The following KCTD1 variants were observed in gnomAD, a reference collection of about 807,000 sequenced individuals.
KCTD1 encodes BTB/POZ domain-containing protein KCTD1.
KCTD1 carries 24 observed loss-of-function variants against 66.0 expected under a neutral mutation model. That is an observed-to-expected ratio of 0.36 (90% CI 0.26 to 0.51). The LOEUF (loss-of-function observed/expected upper bound fraction) is 0.51. KCTD1 is among the 20% of genes least tolerant of loss of function. The pLI is 0.95. For synonymous variants in KCTD1, 511 were observed against 517.2 expected (o/e 0.99, Z 0.16); for missense variants, 943 against 1,205.2 (o/e 0.78, Z 3.22).
intron 1 of KCTD1, among the ~76,000 whole-genome samples, chr18:26,504,248 ATTG>A (rs1026323265): frequency 1.4e-4 from 22 of 151,836 alleles, no homozygotes; most frequent in Non-Finnish European, 2.5e-4. Flanking sequence ...TATTATTATT[ATTG>A]TTATTTGAGA....
rs565486339 is a variant in KCTD1, at chr18:26,494,410, T to C, written c.1988+6662A>G. The stretch of plus-strand genomic sequence containing the variant: ...CAGGACAAAACAAAAACAAACACAA[T>C]AGAGGAAACTCAGGCACTGTATGGC... On this transcript the variant is annotated intron_variant, in intron 2 of 4. Transcript: ENST00000580059. Among the ~76,000 whole-genome samples the C allele has an allele frequency of 2.6e-5, 4 of 152,144 alleles. No homozygotes were observed. The South Asian group carries it at 6.2e-4, about 24-fold the overall frequency.
chr18:26,458,116 C>A (rs1372195202), intron 4 of KCTD1: 1 of 152,256 alleles, frequency 6.6e-6, no homozygotes, highest in Non-Finnish European at 1.5e-5. Flanking sequence ...GAGCACCACA[C>A]ACCTCCAGGG....
At chr18:26,567,013 G>A (rs1402853359) in intron 1 of KCTD1, 1 of 152,028 alleles carries the variant, frequency 6.6e-6, no homozygotes, top group Non-Finnish European at 1.5e-5. Context: ...GGGAGGGTTG[G>A]TTTTCTTGGC....
intron 1 of KCTD1, among the ~76,000 whole-genome samples, chr18:26,620,530 G>C (rs1164212665): frequency 2.0e-5 from 3 of 149,092 alleles, no homozygotes; most frequent in Non-Finnish European, 4.4e-5. Context: ...TCCACCTCCG[G>C]GGCTCAAGCT....
intron 1 of KCTD1, among the ~76,000 whole-genome samples, chr18:26,588,875 TAA>T (rs879906595): frequency 0.15 from 23,077 of 152,170 alleles, 1,796 homozygotes; most frequent in East Asian, 0.26. Flanking sequence ...TGCAAAGCCC[TAA>T]TATATACAGT....
upstream of KCTD1, chr18:26,549,778 A>C: frequency 1.0e-6 from 1 of 985,356 alleles, no homozygotes; most frequent in Non-Finnish European, 1.2e-6. Context: ...GCGCTGCCTC[A>C]GGCGCGCGGG....
chr18:26,557,074 A>G (rs1196386513), intron 1 of KCTD1, among the ~76,000 whole-genome samples: 2 of 152,202 alleles, frequency 1.3e-5, no homozygotes, highest in East Asian at 1.9e-4. Context: ...CAAATTTTCA[A>G]TAAGCCCAAA....
intron 1 of KCTD1, among the ~76,000 whole-genome samples, chr18:26,615,614 C>G (rs920806290): frequency 6.6e-6 from 1 of 152,164 alleles, no homozygotes; most frequent in Non-Finnish European, 1.5e-5. Context: ...CCTTACAGTA[C>G]TGGTCCCCTG....
At chr18:26,560,373 C>A (rs747144074) in intron 1 of KCTD1, among the ~76,000 whole-genome samples, 4 of 152,116 alleles carry the variant, frequency 2.6e-5, no homozygotes, top group African/African-American at 7.2e-5. Context: ...TTATTAAATT[C>A]TTTTTAATCC....
chr18:26,523,791 C>G (rs1444423309), intron 1 of KCTD1, among the ~76,000 whole-genome samples: 1 of 152,194 alleles, frequency 6.6e-6, no homozygotes, highest in East Asian at 1.9e-4. Context: ...GTTGATTCCT[C>G]TTTCCTAAAT....
chr18:26,520,981 T>C (rs1245211434), intron 1 of KCTD1, among the ~76,000 whole-genome samples: 1 of 152,260 alleles, frequency 6.6e-6, no homozygotes, highest in Non-Finnish European at 1.5e-5. Flanking sequence ...AGAACCCCAC[T>C]GGTGGGGTGC....
At chr18:26,635,840 T>A (rs763105119) in intron 1 of KCTD1, among the ~76,000 whole-genome samples, 30 of 152,216 alleles carry the variant, frequency 2.0e-4, no homozygotes, top group Admixed American at 3.3e-4. Context: ...GGCACAGTTG[T>A]GCACAATCCT....
chr18:26,559,196 A>AG (rs1167024403), intron 1 of KCTD1, among the ~76,000 whole-genome samples: 1 of 152,200 alleles, frequency 6.6e-6, no homozygotes, highest in African/African-American at 2.4e-5. Context: ...GTGGCACAAC[A>AG]GGGGGACTAT....
chr18:26,632,605 A>C (rs146125501), upstream of KCTD1, among the ~76,000 whole-genome samples: 123 of 152,316 alleles, frequency 8.1e-4, no homozygotes, highest in Middle Eastern at 3.4e-3. Context: ...AGAATTAGTA[A>C]GAGAATACAA....
intron 1 of KCTD1, among the ~76,000 whole-genome samples, chr18:26,508,907 T>C (rs949238203): frequency 3.3e-5 from 5 of 152,274 alleles, no homozygotes; most frequent in African/African-American, 7.2e-5. Flanking sequence ...GACATAATCA[T>C]TGGACCCTCA....
In KCTD1 at chr18:26,498,867, A is replaced by C. The variant is rs145066879; in HGVS notation, c.1988+2205T>G. Among the ~76,000 whole-genome samples the C allele has an allele frequency of 4.0e-3, 604 of 152,258 alleles. 5 individuals are homozygous for C. The highest frequency in any genetic ancestry group is 0.014 in the African/African-American group (562 of 41,538). ...CACTATTTGAAGTCTTTACCTCATAATATATAGCGCCAGAATAATGAAAGT... is the reference window on the plus strand; with the variant it reads ...CACTATTTGAAGTCTTTACCTCATACTATATAGCGCCAGAATAATGAAAGT... On this transcript the variant is annotated intron_variant, in intron 2 of 4. Coordinates refer to ENST00000580059, the MANE Select transcript of KCTD1 (RefSeq NM_001142730.3).
At chr18:26,562,931 G>C (rs1246695450) in intron 1 of KCTD1, among the ~76,000 whole-genome samples, 1 of 152,128 alleles carries the variant, frequency 6.6e-6, no homozygotes, top group East Asian at 1.9e-4. Flanking sequence ...TCTCCAAATA[G>C]AGTCACACTG....
intron 1 of KCTD1, among the ~76,000 whole-genome samples, chr18:26,656,942 C>T (rs1988163869): frequency 6.7e-6 from 1 of 148,660 alleles, no homozygotes; most frequent in African/African-American, 2.5e-5. Context: ...GGAGCGGCCG[C>T]GGGGAGGCTG....
intron 1 of KCTD1, among the ~76,000 whole-genome samples, chr18:26,535,971 C>CAAAAAAAAAAAAAAAAAAAAA (rs36119174): frequency 8.1e-6 from 1 of 122,822 alleles, no homozygotes; most frequent in Non-Finnish European, 1.7e-5. Flanking sequence ...GTGATTCCTC[C>CAAAAAAAAAAAAAAAAAAAAA]AAAAAAAAAA....
Sources: allele counts gnomAD v4.1 joint callset (sites outside exome capture counted in the v4.1 genomes callset), GRCh38; gene constraint gnomAD v4.1.1; transcripts MANE v1.5; gene names NCBI Gene and HGNC (gene_info 2026-07-23, HGNC 2026-07-21).